Variants in SLC2A1 observed in about 807,000 individuals in gnomAD.
SLC2A1 encodes solute carrier family 2, facilitated glucose transporter member 1.
In SLC2A1, 4 loss-of-function variants were observed where a neutral mutation model predicts 46.6. The ratio of observed to expected loss-of-function variants is 0.09; its 90% CI spans 0.04 to 0.20. SLC2A1 has a LOEUF of 0.20. SLC2A1 is among the 10% of genes least tolerant of loss of function. The pLI, the probability that SLC2A1 is intolerant of heterozygous loss-of-function variation, is 1.00. For synonymous variants in SLC2A1, 253 were observed against 270.0 expected (o/e 0.94, Z 0.62); for missense variants, 352 against 667.0 (o/e 0.53, Z 5.20).
intron 2 of SLC2A1, among the ~76,000 whole-genome samples, chr1:42,939,254 ATGTATCACTTCTAATC>A (rs1643572907): frequency 6.6e-6 from 1 of 152,172 alleles, no homozygotes; most frequent in Non-Finnish European, 1.5e-5. Flanking sequence ...CACATGTTAC[ATGTATCACTTCTAATC>A]TGGCTCCTGG....
intron 1 of SLC2A1, among the ~76,000 whole-genome samples, chr1:42,950,663 T>C (rs1643710988): frequency 6.6e-6 from 1 of 152,150 alleles, no homozygotes; most frequent in Admixed American, 6.5e-5. Context: ...GCTCCTCCAC[T>C]TGTGTGACCT....
At chr1:42,953,544 C>T (rs11808361) in intron 1 of SLC2A1, among the ~76,000 whole-genome samples, 2,141 of 152,310 alleles carry the variant, frequency 0.014, 54 homozygotes, top group African/African-American at 0.049. Context: ...ACTGAGTGAG[C>T]GGCTTTATCA....
chr1:42,958,429 T>A (rs1643804315), intron 1 of SLC2A1, among the ~76,000 whole-genome samples: 1 of 150,342 alleles, frequency 6.7e-6, no homozygotes, highest in South Asian at 2.1e-4. Context: ...TCCGGCCCGC[T>A]AGATCCGAAG....
At chr1:42,942,051 G>A (rs1643604075) in intron 2 of SLC2A1, among the ~76,000 whole-genome samples, 1 of 152,188 alleles carries the variant, frequency 6.6e-6, no homozygotes, top group South Asian at 2.1e-4. Flanking sequence ...CCCCAAACAG[G>A]ACCCTGATCT....
intron 1 of SLC2A1, among the ~76,000 whole-genome samples, chr1:42,947,081 C>T (rs922222093): frequency 6.6e-6 from 1 of 152,198 alleles, no homozygotes; most frequent in African/African-American, 2.4e-5. Context: ...TACCCTCGAT[C>T]GGGCAGCCTC....
At chr1:42,928,859 G>T in intron 8 of SLC2A1, 73 bp downstream of exon 8, 1 of 1,352,314 alleles carries the variant, frequency 7.4e-7, no homozygotes. Context: ...CTGGGGCTGA[G>T]ACAGGCATTT....
chr1:42,955,578 C>G (rs1387182335), intron 1 of SLC2A1, among the ~76,000 whole-genome samples: 2 of 152,248 alleles, frequency 1.3e-5, no homozygotes, highest in Non-Finnish European at 2.9e-5. Context: ...GCCTGGGTGA[C>G]AGAGTGAGAC....
chr1:42,952,770 A>G (rs1214773751), intron 1 of SLC2A1: 1 of 188,740 alleles, frequency 5.3e-6, no homozygotes, highest in Non-Finnish European at 1.1e-5. Flanking sequence ...AGCCCAGTGT[A>G]GCTGTTTGTT....
At chr1:42,938,440 T>C (rs1643565183) in intron 2 of SLC2A1, among the ~76,000 whole-genome samples, 1 of 152,218 alleles carries the variant, frequency 6.6e-6, no homozygotes, top group Non-Finnish European at 1.5e-5. Flanking sequence ...GTAGAGTTGC[T>C]GTGAGGTGGT....
Position 42,929,397 on chromosome 1 carries a change from G to T in SLC2A1, c.868-83C>A. The T allele has an allele frequency of 8.3e-7, 1 of 1,207,458 alleles. No homozygotes were observed. Among genetic ancestry groups the T allele is most frequent in the Non-Finnish European group, 1.2e-6 (1 of 829,392 alleles). 74.8% of individuals were successfully genotyped at this position (1,207,458 alleles called of 1,614,324 possible). ...CTGTAGCAGTGGATGTGGGACCCAG[G>T]ATGAGTAAAGAATGAAGGGGACAAA... On this transcript the variant is annotated intron_variant, in intron 6 of 9. Coordinates refer to ENST00000426263, the MANE Select transcript of SLC2A1 (RefSeq NM_006516.4). The surrounding 1 kb of genome is among the most constrained non-coding windows in gnomAD (Gnocchi z 6.0).
chr1:42,930,792 T>C lies in SLC2A1; in HGVS notation c.350A>G (p.Lys117Arg), dbSNP rs748648403. Residue 117 changes from lysine to arginine, a missense_variant, in exon 4 of 10, where the codon AAG becomes AGG. Transcript: ENST00000426263. The surrounding 1 kb of genome is among the most constrained non-coding windows in gnomAD (Gnocchi z 6.2). ...AVLMGFSKLGKSFEMLILGRF... is the reference protein window; with the variant it reads ...AVLMGFSKLGRSFEMLILGRF... ...GCCCAGGATCAGCATCTCAAAGGAC[T>C]TGCCCAGTTTCGAGAAGCCCATGAG... is the stretch of plus-strand genomic sequence containing the variant. 1.2e-6 allele frequency: 2 copies of C among 1,602,510 alleles called. No individual in the cohort carries two copies. The highest frequency in any genetic ancestry group is 1.7e-5 in the Admixed American group (1 of 60,024).
intron 1 of SLC2A1, among the ~76,000 whole-genome samples, chr1:42,953,000 A>T (rs1319241597): frequency 6.6e-6 from 1 of 152,202 alleles, no homozygotes; most frequent in African/African-American, 2.4e-5. Flanking sequence ...AGCTGAGGAC[A>T]CAAGCTCCAA....
chr1:42,950,026 C>T (rs1557653695), intron 1 of SLC2A1, among the ~76,000 whole-genome samples: 1 of 152,188 alleles, frequency 6.6e-6, no homozygotes, highest in Non-Finnish European at 1.5e-5. Flanking sequence ...GGCACAGGCT[C>T]AGAAACCTTT....
chr1:42,953,039 T>C (rs1270987543), intron 1 of SLC2A1, among the ~76,000 whole-genome samples: 1 of 152,176 alleles, frequency 6.6e-6, no homozygotes, highest in Non-Finnish European at 1.5e-5. Flanking sequence ...TAAGGTCCAA[T>C]GGTAGAGCTG....
chr1:42,951,609 A>G, intron 1 of SLC2A1: 1 of 380,412 alleles, frequency 2.6e-6, no homozygotes, highest in Non-Finnish European at 4.6e-6. Context: ...AACTGTCAAA[A>G]CTAGAAGACA....
chr1:42,958,524 C>A, intron 1 of SLC2A1, 110 bp downstream of exon 1: 1 of 868,656 alleles, frequency 1.2e-6, no homozygotes, highest in Non-Finnish European at 1.5e-6. Flanking sequence ...GCGCGGCCCG[C>A]CCCGGGCGCA....
chr1:42,932,342 A>G (rs536853613), intron 2 of SLC2A1, among the ~76,000 whole-genome samples: 3 of 149,574 alleles, frequency 2.0e-5, no homozygotes, highest in Non-Finnish European at 4.4e-5. Flanking sequence ...CACTCACCAC[A>G]CTCTCAGTGC....
chr1:42,932,408 T>C (rs143316478), intron 2 of SLC2A1, among the ~76,000 whole-genome samples: 1 of 151,318 alleles, frequency 6.6e-6, no homozygotes, highest in African/African-American at 2.4e-5. Context: ...AGGCCCTAGT[T>C]ACCCAGAAAC....
intron 2 of SLC2A1, among the ~76,000 whole-genome samples, chr1:42,933,107 C>G (rs528331936): frequency 6.6e-6 from 1 of 152,326 alleles, no homozygotes; most frequent in African/African-American, 2.4e-5. Flanking sequence ...TTAGCAGGAG[C>G]TGCTTCACAG....
Sources: allele counts gnomAD v4.1 joint callset (sites outside exome capture counted in the v4.1 genomes callset), GRCh38; gene constraint gnomAD v4.1.1; non-coding constraint Gnocchi (gnomAD v3.1); transcripts MANE v1.5; gene names NCBI Gene and HGNC (gene_info 2026-07-23, HGNC 2026-07-21).